MB21D2: variants seen among roughly 807,000 people sequenced by gnomAD.
MB21D2 encodes the protein nucleotidyltransferase MB21D2.
In MB21D2, 9 loss-of-function variants were observed where a neutral mutation model predicts 33.3. That is an observed-to-expected ratio of 0.27 (90% CI 0.16 to 0.47). The LOEUF is 0.47. Among genes scored for constraint, MB21D2 ranks in the 20% least tolerant of loss-of-function variants. MB21D2 has a pLI of 0.99. For missense variants in MB21D2, 540 were observed against 624.6 expected (o/e 0.86, Z 1.44); for synonymous variants, 241 against 236.3 (o/e 1.02, Z -0.18).
chr3:192,849,316 T>TTGGGGGGGGG (rs1394136617), intron 1 of MB21D2, among the ~76,000 whole-genome samples: 1 of 92,206 alleles, frequency 1.1e-5, no homozygotes, highest in Admixed American at 1.3e-4. Flanking sequence ...TCTCTTTTTT[T>TTGGGGGGGGG]GGGGGGGGGG....
intron 1 of MB21D2, among the ~76,000 whole-genome samples, chr3:192,861,404 A>G (rs1462309005): frequency 2.0e-5 from 3 of 152,222 alleles, no homozygotes; most frequent in African/African-American, 7.2e-5. Context: ...TGCCTAGAGT[A>G]ACAGTACAAA....
chr3:192,815,022 T>G (rs1711889590), intron 1 of MB21D2, among the ~76,000 whole-genome samples: 2 of 152,182 alleles, frequency 1.3e-5, no homozygotes, highest in South Asian at 4.1e-4. Flanking sequence ...ATTCAAACAT[T>G]CTAGCCAGAA....
chr3:192,828,652 A>ATATATATT (rs1712243653), intron 1 of MB21D2, among the ~76,000 whole-genome samples: 1 of 51,300 alleles, frequency 1.9e-5, no homozygotes, highest in Non-Finnish European at 3.6e-5. Flanking sequence ...ATATATATAT[A>ATATATATT]TATATATATA....
chr3:192,804,941 T>C (rs1392131401), intron 1 of MB21D2, among the ~76,000 whole-genome samples: 3 of 152,198 alleles, frequency 2.0e-5, no homozygotes, highest in Non-Finnish European at 4.4e-5. Context: ...ATGACCCCAG[T>C]TGGAAAAGAT....
chr3:192,868,459 C>T (rs548152260), intron 1 of MB21D2, among the ~76,000 whole-genome samples: 73 of 152,246 alleles, frequency 4.8e-4, no homozygotes, highest in African/African-American at 1.7e-3. Context: ...TAACCATGAA[C>T]TTTTCACTGA....
chr3:192,822,514 G>C (rs1712082805), intron 1 of MB21D2, among the ~76,000 whole-genome samples: 1 of 152,264 alleles, frequency 6.6e-6, no homozygotes, highest in East Asian at 1.9e-4. Flanking sequence ...CACTGGCATT[G>C]TAAAGAATAA....
rs184336747 is a variant in MB21D2 at position 192,812,732 on chromosome 3, T to C, written c.212-13082A>G. ...TTGAGGATAATTTAGCTCTAGGACA[T>C]TCTCCAAAGCACCAATTTTTAGTCA... is the stretch of plus-strand genomic sequence containing the variant. On this transcript the variant is annotated intron_variant, in intron 1 of 1. Coordinates refer to ENST00000392452, the MANE Select transcript of MB21D2 (RefSeq NM_178496.4). 2.6e-5 allele frequency among the ~76,000 whole-genome samples: 4 copies of C among 152,304 alleles called. No homozygotes were observed. In the East Asian group the frequency reaches 7.7e-4, roughly 29 times the overall value.
intron 1 of MB21D2, among the ~76,000 whole-genome samples, chr3:192,857,561 C>T (rs1477815352): frequency 6.6e-6 from 1 of 152,134 alleles, no homozygotes; most frequent in African/African-American, 2.4e-5. Flanking sequence ...TCTTGCCGAA[C>T]TTCTGGACCC....
Position 192,908,619 on chromosome 3 carries a change from C to T in MB21D2, c.211+9011G>A, listed in dbSNP as rs370633810. Among the ~76,000 whole-genome samples, 105 of 151,686 alleles carry T rather than the reference C, an allele frequency of 6.9e-4. 4 individuals carry two copies. The South Asian group carries it at 0.021, about 30-fold the overall frequency. On this transcript the variant is annotated intron_variant, in intron 1 of 1. Transcript: ENST00000392452. ...TTTTTTAGTAGAGACGAGGTTTCACCGTGTTGGCCAGGATGGTCTCGATCT... is the reference window on the plus strand; with the variant it reads ...TTTTTTAGTAGAGACGAGGTTTCACTGTGTTGGCCAGGATGGTCTCGATCT...
chr3:192,831,118 C>T (rs553158739), intron 1 of MB21D2, among the ~76,000 whole-genome samples: 7 of 152,322 alleles, frequency 4.6e-5, no homozygotes, highest in Admixed American at 6.5e-5. Flanking sequence ...GAAGCTAGGT[C>T]ATAAAGACAC....
chr3:192,896,353 C>T (rs1297526688), intron 1 of MB21D2, among the ~76,000 whole-genome samples: 1 of 152,160 alleles, frequency 6.6e-6, no homozygotes, highest in Non-Finnish European at 1.5e-5. Flanking sequence ...CACCACACAA[C>T]CCAGCGTCCT....
intron 1 of MB21D2, among the ~76,000 whole-genome samples, chr3:192,871,082 T>C (rs1346875073): frequency 6.6e-6 from 1 of 152,144 alleles, no homozygotes; most frequent in Non-Finnish European, 1.5e-5. Flanking sequence ...TCAATGGGGA[T>C]CATGAACATG....
chr3:192,869,086 T>C lies in MB21D2; in HGVS notation c.211+48544A>G, dbSNP rs143375080. Among the ~76,000 whole-genome samples the C allele has an allele frequency of 2.7e-3, 406 of 152,102 alleles. 2 individuals are homozygous for C. The highest frequency in any genetic ancestry group is 9.3e-3 in the African/African-American group (386 of 41,486). On this transcript the variant is annotated intron_variant, in intron 1 of 1. Coordinates refer to ENST00000392452, the MANE Select transcript of MB21D2 (RefSeq NM_178496.4). Reference sequence around the variant, plus strand: ...GCCTGGCCAACATGGTAAAACCCCATCTTTACTAAAAATACAAAAATTAGC... The same window carrying C: ...GCCTGGCCAACATGGTAAAACCCCACCTTTACTAAAAATACAAAAATTAGC...
At chr3:192,889,274 C>T (rs148746171) in intron 1 of MB21D2, among the ~76,000 whole-genome samples, 1 of 151,984 alleles carries the variant, frequency 6.6e-6, no homozygotes, top group Non-Finnish European at 1.5e-5. Context: ...TCAAAGAGTA[C>T]TTATAACACA....
At chr3:192,808,622 G>C (rs1711716289) in intron 1 of MB21D2, among the ~76,000 whole-genome samples, 1 of 152,204 alleles carries the variant, frequency 6.6e-6, no homozygotes, top group Admixed American at 6.5e-5. Flanking sequence ...AGCAGGGATG[G>C]AGTCTCAGTA....
chr3:192,827,616 G>A (rs1301947980), intron 1 of MB21D2, among the ~76,000 whole-genome samples: 3 of 152,116 alleles, frequency 2.0e-5, no homozygotes, highest in Non-Finnish European at 2.9e-5. Context: ...GCATGAAGGT[G>A]GAAAGTAGAG....
At chr3:192,819,877 G>C (rs573927636) in intron 1 of MB21D2, among the ~76,000 whole-genome samples, 1 of 152,308 alleles carries the variant, frequency 6.6e-6, no homozygotes, top group Admixed American at 6.5e-5. Context: ...AGCTTGGAGA[G>C]CAGGCCCTGC....
intron 1 of MB21D2, among the ~76,000 whole-genome samples, chr3:192,915,839 C>T (rs1714451864): frequency 6.6e-6 from 1 of 152,118 alleles, no homozygotes; most frequent in African/African-American, 2.4e-5. Context: ...CCCATGACTA[C>T]CCTAACTGGT....
rs1351144527 is a variant in MB21D2, at chr3:192,796,815, T to C, written c.*1571A>G. 1 of 152,052 alleles carries C rather than the reference T, an allele frequency of 6.6e-6. No homozygotes were observed. The highest frequency in any genetic ancestry group is 2.4e-5 in the African/African-American group (1 of 41,390). 9.4% of individuals were successfully genotyped at this position (152,052 alleles called of 1,614,324 possible). A position where few individuals can be genotyped will look rare whatever the true frequency, so the allele number is the denominator to read the frequency against. ...TCCCAGATTACAAACAACAACAAAA[T>C]TTCAAGGCCAGTATGTTTCTTTTTT... On this transcript the variant is annotated 3_prime_UTR_variant, in exon 2 of 2. Transcript: ENST00000392452.
Sources: gnomAD v4.1 joint callset for allele counts (sites outside exome capture counted in the v4.1 genomes callset) on GRCh38, gnomAD v4.1.1 for gene constraint, MANE v1.5 for transcripts, NCBI Gene and HGNC (gene_info 2026-07-23, HGNC 2026-07-21) for gene names.